ELMO3: variants seen among roughly 807,000 people sequenced by gnomAD.
ELMO3 encodes the protein engulfment and cell motility 3.
ELMO3 carries 81 observed loss-of-function variants against 89.0 expected under a neutral mutation model. The observed-to-expected ratio is 0.91, with a 90% CI of 0.76 to 1.09. The LOEUF is 1.09. Ranked by LOEUF, ELMO3 falls within the 50% of genes least tolerant of loss-of-function variation. The pLI, the probability that ELMO3 is intolerant of heterozygous loss-of-function variation, is 0.00. For missense variants in ELMO3, 959 were observed against 972.8 expected (o/e 0.99, Z 0.19); for synonymous variants, 406 against 400.6 (o/e 1.01, Z -0.16).
rs2033095711 is a variant in ELMO3 at position 67,201,105 on chromosome 16, G to A, written c.744+137G>A. ...CTGTCGCCCAGGCTGGAGTGCAGTG[G>A]TGCGATCTTGGCTCACTGCAAGCTC... On this transcript the variant is annotated intron_variant, in intron 8 of 19. Transcript: ENST00000393997. 5 of 1,032,216 alleles carry A rather than the reference G, an allele frequency of 4.8e-6. No individual in the cohort carries two copies. The African/African-American group carries it at 6.5e-5, about 13-fold the overall frequency. The allele number at this position is 1,032,216 out of a possible 1,614,324, so 63.9% of individuals were successfully genotyped here.
chr16:67,202,148 C>T (rs1407697706), intron 12 of ELMO3, 28 bp from the exon 13 acceptor site: 2 of 1,601,306 alleles, frequency 1.2e-6, no homozygotes, highest in Non-Finnish European at 1.7e-6. Flanking sequence ...TTAGCTGTGA[C>T]TCCTTGCCCC....
Position 67,202,658 on chromosome 16 carries a change from G to A in ELMO3, c.1430G>A (p.Arg477His), listed in dbSNP as rs763382419. Residue 477 changes from arginine (R) to histidine (H), a missense_variant, in exon 15 of 20, where the codon CGC becomes CAC. Physicochemically the swap from Arg to His is conservative, Grantham distance 29. Coordinates refer to ENST00000393997, the MANE Select transcript of ELMO3 (RefSeq NM_024712.5). ...CAGGTGGTGCGGGAGCAGCTGGCCC[G>A]CACTCTGGCCCTGAAGCCCACTTCC... ...VMQVVREQLA[R>H]TLALKPTSLE... is the part of the protein sequence containing the mutation. The A allele has an allele frequency of 1.1e-4, 185 of 1,613,484 alleles. No individual in the cohort carries two copies. The highest frequency in any genetic ancestry group is 1.2e-4 in the Non-Finnish European group (136 of 1,179,984).
Position 67,203,476 on chromosome 16 carries a change from C to T in ELMO3, c.1864-21C>T. The T allele has an allele frequency of 6.2e-7, 1 of 1,613,702 alleles. No individual in the cohort carries two copies. ...CCTACCCTGTCCCCTGCTCAGTGTC[C>T]CCGCTCCCTTGCTTCCCCAGGACCT... On this transcript the variant is annotated intron_variant, in intron 18 of 19. Coordinates refer to ENST00000393997, the MANE Select transcript of ELMO3 (RefSeq NM_024712.5). The surrounding 1 kb of genome is among the most constrained non-coding windows in gnomAD (Gnocchi z 4.6).
Position 67,202,935 on chromosome 16 carries a change from C to T in ELMO3, c.1606C>T (p.Arg536Cys), listed in dbSNP as rs760280102. The T allele has an allele frequency of 1.1e-5, 17 of 1,610,740 alleles. No individual in the cohort carries two copies. Among genetic ancestry groups the T allele is most frequent in the South Asian group, 2.2e-5 (2 of 91,078 alleles). ...KLKPELMGLI[R>C]QQRLLRLCEG... Reference sequence around the variant, plus strand: ...GAAGCCAGAGCTCATGGGCCTGATCCGCCAGCAGCGCTTGCTCCGCCTCTG... The same window carrying T: ...GAAGCCAGAGCTCATGGGCCTGATCTGCCAGCAGCGCTTGCTCCGCCTCTG... Residue 536 changes from arginine to cysteine, a missense_variant, in exon 16 of 20, where the codon CGC becomes TGC. Transcript: ENST00000393997.
rs1479188425 is a variant in ELMO3 at position 67,199,415 on chromosome 16, T to C, written c.78+11T>C. 1.2e-6 allele frequency: 2 copies of C among 1,603,114 alleles called. No individual in the cohort carries two copies. Among genetic ancestry groups the C allele is most frequent in the East Asian group, 4.5e-5 (2 of 44,826 alleles). ...ATCCAGCTGGACCAGGTCACCCGGCTGGTCCCGCCTCCATCTGCCCCACTG... is the reference window on the plus strand; with the variant it reads ...ATCCAGCTGGACCAGGTCACCCGGCCGGTCCCGCCTCCATCTGCCCCACTG... On this transcript the variant is annotated intron_variant, in intron 1 of 19. Transcript: ENST00000393997.
Position 67,201,507 on chromosome 16 carries a change from G to T in ELMO3, c.796-13G>T. 1 of 1,614,014 alleles carries T rather than the reference G, an allele frequency of 6.2e-7. No individual in the cohort carries two copies. The highest frequency in any genetic ancestry group is 8.5e-7 in the Non-Finnish European group (1 of 1,179,964). ...TGAGCCCTCGCTTACACCAGGGACTGGCTGTCCTGCAGAACATCATCCACA... is the reference window on the plus strand; with the variant it reads ...TGAGCCCTCGCTTACACCAGGGACTTGCTGTCCTGCAGAACATCATCCACA... On this transcript the variant is annotated splice_polypyrimidine_tract_variant and intron_variant, in intron 9 of 19. Coordinates refer to ENST00000393997, the MANE Select transcript of ELMO3 (RefSeq NM_024712.5).
Position 67,200,310 on chromosome 16 carries a change from T to A in ELMO3, c.362T>A (p.Ile121Asn). 6.2e-7 allele frequency: 1 copy of A among 1,613,862 alleles called. No homozygotes were observed. The highest frequency in any genetic ancestry group is 1.1e-5 in the South Asian group (1 of 91,084). ...ASDMIFAREV[I>N]SRNGLQILGT... The stretch of plus-strand genomic sequence containing the variant: ...GACATGATCTTTGCCAGGGAGGTCA[T>A]CAGCCGTAATGGGCTCCAGATACTA... The change falls in exon 5 of 20, where the codon ATC becomes AAC. Residue 121 changes from isoleucine (I) to asparagine (N), a missense_variant. Physicochemically the swap from Ile to Asn is moderately radical, Grantham distance 149. Coordinates refer to ENST00000393997, the MANE Select transcript of ELMO3 (RefSeq NM_024712.5).
At position 67,199,243 on chromosome 16, in the gene ELMO3, C is replaced by T. The variant is rs1386048703; in HGVS notation, c.-84C>T. 6.8e-6 allele frequency: 11 copies of T among 1,611,256 alleles called. No homozygotes were observed. Among genetic ancestry groups the T allele is most frequent in the Non-Finnish European group, 8.5e-6 (10 of 1,179,386 alleles). On this transcript the variant is annotated 5_prime_UTR_variant, in exon 1 of 20. Coordinates refer to ENST00000393997, the MANE Select transcript of ELMO3 (RefSeq NM_024712.5). Reference sequence around the variant, plus strand: ...TCTCGGAAAGGGAGGACCTCCTCGTCCCCAGGGGCCCCAGGCCAGGTGCAC... The same window carrying T: ...TCTCGGAAAGGGAGGACCTCCTCGTTCCCAGGGGCCCCAGGCCAGGTGCAC...
Position 67,203,915 on chromosome 16 carries a change from C to A in ELMO3, c.*38C>A. 1 of 1,494,698 alleles carries A rather than the reference C, an allele frequency of 6.7e-7. No homozygotes were observed. Among genetic ancestry groups the A allele is most frequent in the South Asian group, 1.3e-5 (1 of 76,820 alleles). The allele number at this position is 1,494,698 out of a possible 1,614,324, so 92.6% of individuals were successfully genotyped here. A position where few individuals can be genotyped will look rare whatever the true frequency, so the allele number is the denominator to read the frequency against. Reference sequence around the variant, plus strand: ...CCATGGGCCACAGCTGCGGCCACTGCAGCAGCCATGAAGGGCAGTGGGTAG... The same window carrying A: ...CCATGGGCCACAGCTGCGGCCACTGAAGCAGCCATGAAGGGCAGTGGGTAG... On this transcript the variant is annotated 3_prime_UTR_variant, in exon 20 of 20. Transcript: ENST00000393997. The surrounding 1 kb of genome is among the most constrained non-coding windows in gnomAD (Gnocchi z 4.6).
chr16:67,203,061 G>C lies in ELMO3; in HGVS notation c.1675+57G>C, dbSNP rs1026900349. On this transcript the variant is annotated intron_variant, in intron 16 of 19. Coordinates refer to ENST00000393997, the MANE Select transcript of ELMO3 (RefSeq NM_024712.5). This position sits in a 1 kb window ranked among gnomAD's most constrained non-coding sequence, Gnocchi z 4.6. ...GGCAGGCAGAGGGCAGGCAGAGGGC[G>C]GCTGGCTTGGTGTCAGGACCTCTCA... is the stretch of plus-strand genomic sequence containing the variant. 1.9e-6 allele frequency: 3 copies of C among 1,596,026 alleles called. No homozygotes were observed. In the East Asian group the frequency reaches 6.8e-5, roughly 36 times the overall value.
In ELMO3 at chr16:67,202,666, G is replaced by T; in HGVS notation, c.1438G>T (p.Ala480Ser). 1 of 1,613,668 alleles carries T rather than the reference G, an allele frequency of 6.2e-7. No homozygotes were observed. The highest frequency in any genetic ancestry group is 8.5e-7 in the Non-Finnish European group (1 of 1,179,984). ...VVREQLARTL[A>S]LKPTSLELFR... ...GCGGGAGCAGCTGGCCCGCACTCTG[G>T]CCCTGAAGCCCACTTCCCTGGAGCT... The change falls in exon 15 of 20, where the codon GCC becomes TCC. Residue 480 changes from alanine (A) to serine (S), a missense_variant. Coordinates refer to ENST00000393997, the MANE Select transcript of ELMO3 (RefSeq NM_024712.5).
At position 67,199,567 on chromosome 16, in the gene ELMO3, C is replaced by A; in HGVS notation, c.93C>A (p.Ala31=). ...TCCACTTGCAGGCGAAGCCCCTGGC[C>A]GCTGTGCTGAAGGAGGTGTGCGACG... The part of the protein sequence containing the change: ...LIQLDQAKPL[A]AVLKEVCDAW... Residue 31 remains alanine (A), a synonymous_variant, in exon 2 of 20, where the codon GCC becomes GCA. Transcript: ENST00000393997. 1.2e-6 allele frequency: 2 copies of A among 1,608,740 alleles called. No homozygotes were observed. Among genetic ancestry groups the A allele is most frequent in the South Asian group, 1.1e-5 (1 of 90,876 alleles).
rs1166112318 is a variant in ELMO3 at position 67,200,571 on chromosome 16, C to T, written c.513+21C>T. The stretch of plus-strand genomic sequence containing the variant: ...GGAAGGTGGGTGGGCTTTCCTAGGG[C>T]AGCGGGTGGGGGCAGTGGAGCAGTG... On this transcript the variant is annotated intron_variant, in intron 6 of 19. Transcript: ENST00000393997. 4 of 1,613,222 alleles carry T rather than the reference C, an allele frequency of 2.5e-6. No individual in the cohort carries two copies. In the Admixed American group the frequency reaches 6.7e-5, roughly 27 times the overall value.
In ELMO3 at chr16:67,203,027, G is replaced by GGGGCAGA. The variant is rs753904203; in HGVS notation, c.1675+30_1675+36dup. 1 of 1,603,518 alleles carries GGGGCAGA rather than the reference G, an allele frequency of 6.2e-7. No homozygotes were observed. The highest frequency in any genetic ancestry group is 1.3e-5 in the African/African-American group (1 of 74,888). On this transcript the variant is annotated intron_variant, in intron 16 of 19. Coordinates refer to ENST00000393997, the MANE Select transcript of ELMO3 (RefSeq NM_024712.5). This position sits in a 1 kb window ranked among gnomAD's most constrained non-coding sequence, Gnocchi z 4.6. ...AGGGTCTCTGAATGGGCATGGGCAG[G>GGGGCAGA]GGGCAGAGGGCAGGCAGAGGGCAGG...
At chr16:67,199,831 C>T (rs1316389906) in intron 3 of ELMO3, 75 bp downstream of exon 3, 32 of 1,603,412 alleles carry the variant, frequency 2.0e-5, no homozygotes, top group Non-Finnish European at 2.6e-5. Context: ...AACTCTGGCT[C>T]TTCATCCCAC....
Position 67,201,784 on chromosome 16 carries a change from G to A in ELMO3, c.961G>A (p.Glu321Lys), listed in dbSNP as rs946624385. The change falls in exon 11 of 20, where the codon GAG becomes AAG. Residue 321 changes from glutamate to lysine, a missense_variant. Transcript: ENST00000393997. ...QLQVLRQAAF[E>K]VEGESSGAGL... ...GCAGGTCCTACGCCAGGCTGCCTTC[G>A]AGGTGGAGGGGGAGTCCTCGGGTGC... The A allele has an allele frequency of 7.4e-6, 12 of 1,611,746 alleles. No individual in the cohort carries two copies. The highest frequency in any genetic ancestry group is 4.0e-5 in the African/African-American group (3 of 74,922).
In ELMO3 at chr16:67,200,788, G is replaced by A. The variant is rs545426930; in HGVS notation, c.645G>A (p.Arg215=). ...QLVKSEVPLD[R]LLVHLQVMNQ... is the part of the protein sequence containing the mutation. ...TCAAGAGCGAGGTGCCCCTGGATAGGCTGCTGGTGCACCTACAGGTGTAAG... is the reference window on the plus strand; with the variant it reads ...TCAAGAGCGAGGTGCCCCTGGATAGACTGCTGGTGCACCTACAGGTGTAAG... The change falls in exon 7 of 20, where the codon AGG becomes AGA. Residue 215 remains arginine, a synonymous_variant. Coordinates refer to ENST00000393997, the MANE Select transcript of ELMO3 (RefSeq NM_024712.5). 11 of 1,613,170 alleles carry A rather than the reference G, an allele frequency of 6.8e-6. No individual in the cohort carries two copies. In the Admixed American group the frequency reaches 1.8e-4, roughly 27 times the overall value.
In ELMO3 at chr16:67,200,130, TC is replaced by T. The variant is rs2033064743; in HGVS notation, c.244-60del. On this transcript the variant is annotated intron_variant, in intron 4 of 19. Coordinates refer to ENST00000393997, the MANE Select transcript of ELMO3 (RefSeq NM_024712.5). ...TAGTTGACGCCCGGGGCCGCACACT[TC>T]CAGGTCCCACCCTTACCATGCCCAG... The T allele has an allele frequency of 1.9e-6, 3 of 1,589,286 alleles. No individual in the cohort carries two copies. The Admixed American group carries it at 5.2e-5, about 27-fold the overall frequency.
In ELMO3 at chr16:67,199,153, G is replaced by A. The variant is rs765767893; in HGVS notation, c.-174G>A. On this transcript the variant is annotated 5_prime_UTR_variant, in exon 1 of 20. Transcript: ENST00000393997. ...CCCGGAACTAACCTCGGCTCCCTTG[G>A]GAAGGCCGCGTTGCATGGCCAGGAG... 2 of 1,605,704 alleles carry A rather than the reference G, an allele frequency of 1.2e-6. No homozygotes were observed. The highest frequency in any genetic ancestry group is 1.7e-6 in the Non-Finnish European group (2 of 1,178,594).
Sources: allele counts gnomAD v4.1 joint callset, GRCh38; gene constraint gnomAD v4.1.1; non-coding constraint Gnocchi (gnomAD v3.1); transcripts MANE v1.5; gene names NCBI Gene and HGNC (gene_info 2026-07-23, HGNC 2026-07-21).